AGAP1: variants seen among roughly 807,000 people sequenced by gnomAD.
The protein encoded by AGAP1 is ArfGAP with GTPase domain, ankyrin repeat and PH domain 1.
Under a neutral mutation model 105.3 loss-of-function variants are expected in AGAP1, and 29 were observed. The observed-to-expected ratio is 0.28, with a 90% CI of 0.21 to 0.38. The LOEUF is 0.38. Ranked by LOEUF, AGAP1 falls within the 10% of genes least tolerant of loss-of-function variation. AGAP1 has a pLI of 1.00. For missense variants in AGAP1, 998 were observed against 1,165.1 expected, an observed-to-expected ratio of 0.86 and a Z score of 2.09; for synonymous variants, 509 against 485.9, an observed-to-expected ratio of 1.05 and a Z score of -0.63.
chr2:235,585,708 G>T (rs962552806), intron 1 of AGAP1, among the ~76,000 whole-genome samples: 3 of 152,156 alleles, frequency 2.0e-5, no homozygotes, highest in African/African-American at 7.2e-5. Flanking sequence ...TTACTTAAAT[G>T]TACTTTTTAC....
In AGAP1 at chr2:235,979,341, C is replaced by T. The variant is rs771509707; in HGVS notation, c.1645+10718C>T. ...GTGGTGATTGATTAAGCCCCCCTGT[C>T]GTTCATTTGAATCCTGCATCGCTGA... On this transcript the variant is annotated intron_variant, in intron 13 of 17. Coordinates refer to ENST00000304032, the MANE Select transcript of AGAP1 (RefSeq NM_001037131.3). This position sits in a 1 kb window ranked among gnomAD's most constrained non-coding sequence, Gnocchi z 4.5. Among the ~76,000 whole-genome samples, 3 of 151,984 alleles carry T rather than the reference C, an allele frequency of 2.0e-5. No individual in the cohort carries two copies. Among genetic ancestry groups the T allele is most frequent in the African/African-American group, 2.4e-5 (1 of 41,374 alleles).
Position 235,694,352 on chromosome 2 carries a change from G to A in AGAP1, c.164-14827G>A, listed in dbSNP as rs145726459. Among the ~76,000 whole-genome samples the A allele has an allele frequency of 7.5e-4, 114 of 151,930 alleles. 1 individual carries two copies. In the East Asian group the frequency reaches 0.018, roughly 24 times the overall value. ...AAGTTAGCTGGGCGTGGTGGCGGGC[G>A]CATGTATTCCCAGCTACTTGGGAGG... is the stretch of plus-strand genomic sequence containing the variant. On this transcript the variant is annotated intron_variant, in intron 1 of 17. Coordinates refer to ENST00000304032, the MANE Select transcript of AGAP1 (RefSeq NM_001037131.3).
In AGAP1 at chr2:236,053,626, C is replaced by T. The variant is rs577445861; in HGVS notation, c.2114+4345C>T. Among the ~76,000 whole-genome samples the T allele has an allele frequency of 6.6e-6, 1 of 152,400 alleles. No individual in the cohort carries two copies. Among genetic ancestry groups the T allele is most frequent in the East Asian group, 1.9e-4 (1 of 5,188 alleles). ...AGCCTCGCTCTGCGTGGCACTGCAT[C>T]TCCCCATCTTTGTGTCCTGGTGTCA... On this transcript the variant is annotated intron_variant, in intron 16 of 17. Transcript: ENST00000304032. The surrounding 1 kb of genome is among the most constrained non-coding windows in gnomAD (Gnocchi z 4.6).
intron 13 of AGAP1, among the ~76,000 whole-genome samples, chr2:235,984,493 T>TTTA: frequency 7.2e-6 from 1 of 139,304 alleles, no homozygotes; most frequent in African/African-American, 2.7e-5. Context: ...CTTTATTTCT[T>TTTA]AAAAAAAAAA....
chr2:235,946,822 C>T (rs967145603), intron 12 of AGAP1, among the ~76,000 whole-genome samples: 1 of 152,182 alleles, frequency 6.6e-6, no homozygotes, highest in African/African-American at 2.4e-5. Flanking sequence ...AGGCATATCC[C>T]TGCCACCCCA....
intron 1 of AGAP1, among the ~76,000 whole-genome samples, chr2:235,628,034 C>T (rs1946699015): frequency 6.6e-6 from 1 of 152,084 alleles, no homozygotes; most frequent in African/African-American, 2.4e-5. Flanking sequence ...GGTCTGAGCC[C>T]CCCATGCACT....
chr2:235,505,794 G>T, intron 1 of AGAP1: 1 of 152,314 alleles, frequency 6.6e-6, no homozygotes. Context: ...AGCCTGGGAA[G>T]AGCGGGGTAG....
At chr2:235,641,276 A>G (rs6751287) in intron 1 of AGAP1, among the ~76,000 whole-genome samples, 111,588 of 151,426 alleles carry the variant, frequency 0.74, 41,381 homozygotes, top group African/African-American at 0.82. Context: ...TGTATGTGTA[A>G]GTCCTCAGTA....
At chr2:235,735,439 C>T (rs1280747932) in intron 3 of AGAP1, among the ~76,000 whole-genome samples, 1 of 152,194 alleles carries the variant, frequency 6.6e-6, no homozygotes, top group Admixed American at 6.5e-5. Flanking sequence ...GTAGCTCAAC[C>T]TCGCGTGAGT....
In AGAP1 at chr2:236,109,075, G is replaced by A. The variant is rs915169418; in HGVS notation, c.2115-11117G>A. Among the ~76,000 whole-genome samples, 1 of 152,220 alleles carries A rather than the reference G, an allele frequency of 6.6e-6. No homozygotes were observed. Among genetic ancestry groups the A allele is most frequent in the Non-Finnish European group, 1.5e-5 (1 of 68,040 alleles). ...AGCTCTCAAATGCATGAGGAACAGA[G>A]AATGGGGCATTGCAGGAAGACAGCA... On this transcript the variant is annotated intron_variant, in intron 16 of 17. Transcript: ENST00000304032. The surrounding 1 kb of genome is among the most constrained non-coding windows in gnomAD (Gnocchi z 5.4).
In AGAP1 at chr2:235,968,615, C is replaced by T. The variant is rs780116852; in HGVS notation, c.1637C>T (p.Thr546Ile). 1.2e-6 allele frequency: 2 copies of T among 1,607,388 alleles called. No individual in the cohort carries two copies. Among genetic ancestry groups the T allele is most frequent in the East Asian group, 4.5e-5 (2 of 44,538 alleles). Residue 546 changes from threonine to isoleucine, a missense_variant, in exon 13 of 18, where the codon ACT (threonine) becomes ATT (isoleucine). This residue lies in a region of AGAP1 where 735 missense variants were observed against 833.4 expected (regional missense o/e 0.88). Transcript: ENST00000304032. ...SNFKADGLSG[T>I]AEEQEENFEF... is the part of the protein sequence containing the mutation. ...TTCAAAGCCGACGGCCTGTCCGGCACTGCTGAAGGTAAGGGTTCCGCGGTG... is the reference window on the plus strand; with the variant it reads ...TTCAAAGCCGACGGCCTGTCCGGCATTGCTGAAGGTAAGGGTTCCGCGGTG...
rs1217497127 is a variant in AGAP1 at position 235,721,343 on chromosome 2, A to G, written c.310+3699A>G. On this transcript the variant is annotated intron_variant, in intron 3 of 17. Coordinates refer to ENST00000304032, the MANE Select transcript of AGAP1 (RefSeq NM_001037131.3). The surrounding 1 kb of genome is among the most constrained non-coding windows in gnomAD (Gnocchi z 4.5). The stretch of plus-strand genomic sequence containing the variant: ...TAATTTTAAAGATGCAGTTCAAATG[A>G]GGGAAGGATATAAATATTCTGTTTT... Among the ~76,000 whole-genome samples the G allele has an allele frequency of 6.6e-6, 1 of 152,252 alleles. No homozygotes were observed. Among genetic ancestry groups the G allele is most frequent in the Non-Finnish European group, 1.5e-5 (1 of 68,050 alleles).
At chr2:235,656,217 G>A (rs1054667555) in intron 1 of AGAP1, among the ~76,000 whole-genome samples, 5 of 152,266 alleles carry the variant, frequency 3.3e-5, no homozygotes, top group Middle Eastern at 3.4e-3. Flanking sequence ...ACAGATATTC[G>A]GGTTTCAAGA....
At chr2:235,822,759 G>A (rs1958865549) in intron 9 of AGAP1, among the ~76,000 whole-genome samples, 1 of 152,202 alleles carries the variant, frequency 6.6e-6, no homozygotes, top group Non-Finnish European at 1.5e-5. Flanking sequence ...AGCTGGGAGT[G>A]GTGAGTGTGA....
At chr2:235,790,039 C>T (rs1956880412) in intron 6 of AGAP1, among the ~76,000 whole-genome samples, 1 of 152,062 alleles carries the variant, frequency 6.6e-6, no homozygotes, top group Admixed American at 6.6e-5. Context: ...ATGCAGCATC[C>T]ATGTGAAGGA....
In AGAP1 at chr2:235,977,862, A is replaced by G. The variant is rs1237682549; in HGVS notation, c.1645+9239A>G. Among the ~76,000 whole-genome samples the G allele has an allele frequency of 2.6e-5, 4 of 152,306 alleles. No individual in the cohort carries two copies. The East Asian group carries it at 7.7e-4, about 29-fold the overall frequency. ...CGTTTGTCTTAGCTCAGCCTGCCAT[A>G]TCAAAATGCCACAGACTGGGGGCTT... is the stretch of plus-strand genomic sequence containing the variant. On this transcript the variant is annotated intron_variant, in intron 13 of 17. Coordinates refer to ENST00000304032, the MANE Select transcript of AGAP1 (RefSeq NM_001037131.3). The surrounding 1 kb of genome is among the most constrained non-coding windows in gnomAD (Gnocchi z 5.2).
At position 236,014,178 on chromosome 2, in the gene AGAP1, A is replaced by G. The variant is rs552780096; in HGVS notation, c.1646-22383A>G. Reference sequence around the variant, plus strand: ...TGCTCTTCTGGTTCCTAGGAGCTCCATTTAGAGCCGTAACTCCCCCGAGTG... The same window carrying G: ...TGCTCTTCTGGTTCCTAGGAGCTCCGTTTAGAGCCGTAACTCCCCCGAGTG... On this transcript the variant is annotated intron_variant, in intron 13 of 17. Coordinates refer to ENST00000304032, the MANE Select transcript of AGAP1 (RefSeq NM_001037131.3). This position sits in a 1 kb window ranked among gnomAD's most constrained non-coding sequence, Gnocchi z 6.3. Among the ~76,000 whole-genome samples, 8 of 152,170 alleles carry G rather than the reference A, an allele frequency of 5.3e-5. No individual in the cohort carries two copies. The highest frequency in any genetic ancestry group is 1.0e-4 in the Non-Finnish European group (7 of 68,010).
At chr2:235,645,601 G>T (rs1430652268) in intron 1 of AGAP1, among the ~76,000 whole-genome samples, 1 of 152,064 alleles carries the variant, frequency 6.6e-6, no homozygotes, top group Non-Finnish European at 1.5e-5. Context: ...CATTGCAGGG[G>T]TTTACGCCCC....
chr2:235,706,539 C>T (rs1950545948), intron 1 of AGAP1, among the ~76,000 whole-genome samples: 2 of 152,136 alleles, frequency 1.3e-5, no homozygotes, highest in South Asian at 4.1e-4. Flanking sequence ...ATATTTTGCA[C>T]CCCTCACCCC....
Sources: gnomAD v4.1 joint callset for allele counts (sites outside exome capture counted in the v4.1 genomes callset) on GRCh38, gnomAD v4.1.1 for gene constraint, gnomAD v4.1.1 regional missense constraint, Gnocchi (gnomAD v3.1) non-coding constraint, MANE v1.5 for transcripts, NCBI Gene and HGNC (gene_info 2026-07-23, HGNC 2026-07-21) for gene names.